The following PHF21A variants were observed in gnomAD, a reference collection of about 807,000 sequenced individuals.
The protein encoded by PHF21A is PHD finger protein 21A.
A neutral mutation model predicts 82.5 loss-of-function variants in PHF21A; 11 were observed. That is an observed-to-expected ratio of 0.13 (90% CI 0.08 to 0.22). The LOEUF (loss-of-function observed/expected upper bound fraction) is 0.22. Ranked by LOEUF, PHF21A falls within the 10% of genes least tolerant of loss-of-function variation. The probability of loss-of-function intolerance (pLI) is 1.00; values close to 1 mark genes in which losing one functional copy is unlikely to be tolerated. For synonymous variants in PHF21A, 297 were observed against 302.8 expected, an observed-to-expected ratio of 0.98 and a Z score of 0.20; for missense variants, 579 against 837.8, an observed-to-expected ratio of 0.69 and a Z score of 3.81.
intron 9 of PHF21A, among the ~76,000 whole-genome samples, chr11:45,966,747 G>A (rs564391528): frequency 1.1e-4 from 17 of 152,120 alleles, no homozygotes; most frequent in Non-Finnish European, 2.2e-4. Flanking sequence ...AGCCTCCTGA[G>A]TAGCTGGGGC....
intron 12 of PHF21A, 64 bp downstream of exon 12, chr11:45,950,142 A>T: frequency 1.6e-6 from 2 of 1,262,546 alleles, no homozygotes; most frequent in Non-Finnish European, 2.3e-6. Context: ...TCAATCAAAC[A>T]TCATTTTCAG....
At position 45,934,076 on chromosome 11, in the gene PHF21A, A is replaced by G; in HGVS notation, c.1938T>C (p.Asn646=). ...DSEATVGAIS[N]GPDCTPPANA... ...TGGCAGGGGGGGTGCAGTCCGGGCCATTGGAGATGGCCCCCACAGTGGCCT... is the reference window on the plus strand; with the variant it reads ...TGGCAGGGGGGGTGCAGTCCGGGCCGTTGGAGATGGCCCCCACAGTGGCCT... Residue 646 remains asparagine (N), a synonymous_variant, in exon 19 of 19, where the codon AAT becomes AAC. Transcript: ENST00000676320. 1 of 1,614,068 alleles carries G rather than the reference A, an allele frequency of 6.2e-7. No homozygotes were observed. The highest frequency in any genetic ancestry group is 1.1e-5 in the South Asian group (1 of 91,082).
chr11:46,021,858 A>G (rs1015617104), intron 6 of PHF21A, among the ~76,000 whole-genome samples: 6 of 152,076 alleles, frequency 3.9e-5, no homozygotes, highest in Non-Finnish European at 8.8e-5. Context: ...CTGGCCACTT[A>G]TCTTCTTTGA....
intron 10 of PHF21A, among the ~76,000 whole-genome samples, chr11:45,960,284 T>C (rs1443172413): frequency 1.3e-5 from 2 of 152,226 alleles, no homozygotes; most frequent in Non-Finnish European, 2.9e-5. Flanking sequence ...ACCAATGTCT[T>C]ATGATTTCCT....
intron 1 of PHF21A, among the ~76,000 whole-genome samples, chr11:46,098,033 C>A (rs2097026287): frequency 6.6e-6 from 1 of 152,138 alleles, no homozygotes; most frequent in Non-Finnish European, 1.5e-5. Context: ...GGATTAGAAA[C>A]CACTGCCTGC....
intron 6 of PHF21A, among the ~76,000 whole-genome samples, chr11:46,055,151 A>C (rs2139292826): frequency 6.6e-6 from 1 of 152,282 alleles, no homozygotes; most frequent in East Asian, 1.9e-4. Context: ...CTTTGAAGCA[A>C]TCTGAATGTA....
In PHF21A at chr11:46,038,724, A is replaced by G. The variant is rs1396982203; in HGVS notation, c.153+38030T>C. On this transcript the variant is annotated intron_variant, in intron 6 of 18. Transcript: ENST00000676320. ...GTATCACATGGCGAGGTGGCTAAGCATGCTAGCATACTTGCTCAGGTTTCT... is the reference window on the plus strand; with the variant it reads ...GTATCACATGGCGAGGTGGCTAAGCGTGCTAGCATACTTGCTCAGGTTTCT... 3.3e-5 allele frequency among the ~76,000 whole-genome samples: 5 copies of G among 152,142 alleles called. 1 individual carries two copies. Among genetic ancestry groups the G allele is most frequent in the Admixed American group, 2.6e-4 (4 of 15,268 alleles).
At chr11:46,026,841 G>A (rs1234521376) in intron 6 of PHF21A, 1 of 152,196 alleles carries the variant, frequency 6.6e-6, no homozygotes, top group Non-Finnish European at 1.5e-5. Flanking sequence ...CACGAAGAAT[G>A]CTGAGAAGGC....
rs550787812 is a variant in PHF21A at position 46,112,835 on chromosome 11, T to C, written c.-237+8100A>G. 1.2e-4 allele frequency among the ~76,000 whole-genome samples: 19 copies of C among 152,340 alleles called. 1 individual carries two copies. In the South Asian group the frequency reaches 2.5e-3, roughly 20 times the overall value. On this transcript the variant is annotated intron_variant, in intron 1 of 18. Coordinates refer to ENST00000676320, the MANE Select transcript of PHF21A (RefSeq NM_001352027.3). ...CCCACACTAGCAATGAATGATGCCA[T>C]AATTATAAAGAGACCTGTATCGCCA...
intron 1 of PHF21A, among the ~76,000 whole-genome samples, chr11:46,108,486 T>C (rs2135939666): frequency 6.6e-6 from 1 of 151,796 alleles, no homozygotes; most frequent in Admixed American, 6.6e-5. Context: ...AATAAACAAG[T>C]TTTTTAAATA....
intron 10 of PHF21A, among the ~76,000 whole-genome samples, chr11:45,955,105 T>TC (rs1458831440): frequency 1.3e-5 from 2 of 152,204 alleles, no homozygotes; most frequent in Admixed American, 1.3e-4. Context: ...CTCTCGTATT[T>TC]CCCCCTTTAT....
intron 13 of PHF21A, 99 bp from the exon 14 acceptor site, chr11:45,949,045 C>T (rs2091730115): frequency 1.1e-6 from 1 of 928,786 alleles, no homozygotes; most frequent in East Asian, 2.4e-5. Flanking sequence ...TGTCAACATG[C>T]CGACTAGTTA....
intron 10 of PHF21A, among the ~76,000 whole-genome samples, chr11:45,961,892 C>T (rs1375316814): frequency 6.6e-5 from 10 of 152,190 alleles, no homozygotes; most frequent in Admixed American, 6.5e-4. Context: ...GATTTTTAAA[C>T]CCTATCACTT....
intron 18 of PHF21A, 129 bp from the exon 19 acceptor site, chr11:45,934,354 G>A (rs895856189): frequency 1.0e-6 from 1 of 954,024 alleles, no homozygotes; most frequent in Non-Finnish European, 1.6e-6. Context: ...GCAGCCCCTG[G>A]GCCTTGCTGT....
At chr11:45,949,900 T>C (rs2091876832) in intron 12 of PHF21A, among the ~76,000 whole-genome samples, 4 of 152,088 alleles carry the variant, frequency 2.6e-5, no homozygotes, top group African/African-American at 9.7e-5. Flanking sequence ...GACCAGAAAA[T>C]ATAAAGGCTT....
rs2089589125 is a variant in PHF21A, at chr11:45,938,324, A to T, written c.1453-12T>A. On this transcript the variant is annotated splice_polypyrimidine_tract_variant and intron_variant, in intron 15 of 18. Transcript: ENST00000676320. ...TCATGAATATCACCCTATAAAGTTG[A>T]GAGGAAAGGTAAGAAAAAGGACAAA... The T allele has an allele frequency of 1.9e-6, 3 of 1,601,610 alleles. No homozygotes were observed. Among genetic ancestry groups the T allele is most frequent in the Non-Finnish European group, 2.6e-6 (3 of 1,173,814 alleles).
intron 1 of PHF21A, 119 bp from the exon 2 acceptor site, chr11:46,092,342 G>T (rs2096935091): frequency 6.6e-6 from 1 of 151,998 alleles, no homozygotes; most frequent in Admixed American, 6.6e-5. Flanking sequence ...ACACACACAA[G>T]TTTCCAAAGT....
intron 6 of PHF21A, among the ~76,000 whole-genome samples, chr11:46,008,331 A>C (rs1351631263): frequency 2.6e-5 from 4 of 152,184 alleles, no homozygotes; most frequent in Non-Finnish European, 4.4e-5. Context: ...AGAGTTCCAC[A>C]CTGTGAAGCA....
chr11:46,107,651 A>T (rs1382315073), intron 1 of PHF21A, among the ~76,000 whole-genome samples: 1 of 152,216 alleles, frequency 6.6e-6, no homozygotes, highest in Non-Finnish European at 1.5e-5. Flanking sequence ...AACTTTTATA[A>T]CGAAAACTTT....
Sources: allele counts gnomAD v4.1 joint callset (sites outside exome capture counted in the v4.1 genomes callset), GRCh38; gene constraint gnomAD v4.1.1; transcripts MANE v1.5; gene names NCBI Gene and HGNC (gene_info 2026-07-23, HGNC 2026-07-21).